FMN2: variants seen among roughly 807,000 people sequenced by gnomAD.
The protein encoded by FMN2 is formin-2.
In FMN2, 51 loss-of-function variants were observed where a neutral mutation model predicts 142.3. That is an observed-to-expected ratio of 0.36 (90% CI 0.29 to 0.45). The LOEUF is 0.45. FMN2 is among the 20% of genes least tolerant of loss of function. The pLI, the probability that FMN2 is intolerant of heterozygous loss-of-function variation, is 1.00. For synonymous variants in FMN2, 882 were observed against 869.8 expected (o/e 1.01, Z -0.25); for missense variants, 1,936 against 2,122.8 (o/e 0.91, Z 1.73).
intron 15 of FMN2, among the ~76,000 whole-genome samples, chr1:240,430,016 G>T (rs1299414126): frequency 1.3e-5 from 2 of 151,732 alleles, no homozygotes; most frequent in Admixed American, 1.3e-4. Flanking sequence ...CTCCCAAGTA[G>T]CTGGGACTAC....
At chr1:240,218,170 A>G (rs1666973397) in intron 6 of FMN2, among the ~76,000 whole-genome samples, 1 of 150,932 alleles carries the variant, frequency 6.6e-6, no homozygotes, top group Admixed American at 6.7e-5. Context: ...GTAGTCCCAG[A>G]TACTCAGGAG....
chr1:240,249,696 A>G (rs1434382466), intron 6 of FMN2, among the ~76,000 whole-genome samples: 1 of 152,086 alleles, frequency 6.6e-6, no homozygotes, highest in Non-Finnish European at 1.5e-5. Flanking sequence ...TTTGGGGAGT[A>G]GGGTCACTTC....
At chr1:240,339,203 T>A (rs1671666234) in intron 13 of FMN2, among the ~76,000 whole-genome samples, 1 of 152,176 alleles carries the variant, frequency 6.6e-6, no homozygotes, top group African/African-American at 2.4e-5. Flanking sequence ...TGAGGACCCC[T>A]GACTTAGGAG....
At chr1:240,211,041 A>T (rs1405930114) in intron 5 of FMN2, 50 bp from the exon 6 acceptor site, 2 of 1,541,256 alleles carry the variant, frequency 1.3e-6, no homozygotes, top group South Asian at 2.5e-5. Flanking sequence ...GCTTGCTGTG[A>T]TGTAAGTTCA....
intron 2 of FMN2, chr1:240,145,362 C>T: frequency 4.6e-6 from 3 of 653,212 alleles, no homozygotes; most frequent in East Asian, 2.8e-5. Context: ...TTGTCCCATC[C>T]TCCCTCCTCC....
Position 240,398,251 on chromosome 1 carries a change from G to T in FMN2, c.4910+5689G>T, listed in dbSNP as rs146568712. 4.9e-4 allele frequency among the ~76,000 whole-genome samples: 74 copies of T among 152,172 alleles called. 1 individual carries two copies. Among genetic ancestry groups the T allele is most frequent in the African/African-American group, 1.7e-3 (70 of 41,520 alleles). On this transcript the variant is annotated intron_variant, in intron 15 of 17. Transcript: ENST00000319653. ...ACTCTTGGCCTCAAGTGGTCTGCCC[G>T]CCTTGGCCTCCCAAAGAGCTGGGAT...
chr1:240,153,445 T>C (rs1663873210), intron 2 of FMN2, among the ~76,000 whole-genome samples: 1 of 148,062 alleles, frequency 6.8e-6, no homozygotes, highest in Non-Finnish European at 1.5e-5. Context: ...ACTGCAGCCT[T>C]AACCTCCTGG....
intron 7 of FMN2, among the ~76,000 whole-genome samples, chr1:240,283,979 C>T (rs969955664): frequency 6.6e-6 from 1 of 152,084 alleles, no homozygotes; most frequent in Non-Finnish European, 1.5e-5. Context: ...TGTTGCTTTC[C>T]TCTTTCCTCC....
In FMN2 at chr1:240,140,595, T is replaced by C. The variant is rs545535107; in HGVS notation, c.1782+17250T>C. ...GAGAGTGACTTCTCTTTCTGTGCTT[T>C]GTAATTTTACTTCATGATATTTACA... On this transcript the variant is annotated intron_variant, in intron 2 of 17. Coordinates refer to ENST00000319653, the MANE Select transcript of FMN2 (RefSeq NM_020066.5). 4.0e-4 allele frequency among the ~76,000 whole-genome samples: 61 copies of C among 152,204 alleles called. 1 individual carries two copies. The Middle Eastern group carries it at 0.01, about 26-fold the overall frequency.
At position 240,095,386 on chromosome 1, in the gene FMN2, T is replaced by TACACACACACACACAC. The variant is rs59692947; in HGVS notation, c.1615+1672_1615+1687dup. ...ATACATTTGTAAGCATATATGTGCA[T>TACACACACACACACAC]ACACACACACACACACACACACACA... On this transcript the variant is annotated intron_variant, in intron 1 of 17. Coordinates refer to ENST00000319653, the MANE Select transcript of FMN2 (RefSeq NM_020066.5). Among the ~76,000 whole-genome samples, 68 of 149,866 alleles carry TACACACACACACACAC rather than the reference T, an allele frequency of 4.5e-4. 1 individual carries two copies. Among genetic ancestry groups the TACACACACACACACAC allele is most frequent in the African/African-American group, 1.6e-3 (65 of 40,782 alleles).
chr1:240,361,174 TATATATATATAA>T lies in FMN2; in HGVS notation c.4858+5268_4858+5279del, dbSNP rs1558452674. The stretch of plus-strand genomic sequence containing the variant: ...ATATATATATATATATATATATATA[TATATATATATAA>T]AAGAGTTTAAAGAAGGAAAAAAACA... On this transcript the variant is annotated intron_variant, in intron 14 of 17. Transcript: ENST00000319653. 4.2e-3 allele frequency among the ~76,000 whole-genome samples: 395 copies of T among 93,284 alleles called. 5 individuals are homozygous for T. The highest frequency in any genetic ancestry group is 0.015 in the African/African-American group (354 of 23,724). The allele number at this position is 93,284 out of a possible 152,430, so 61.2% of individuals were successfully genotyped here.
intron 16 of FMN2, among the ~76,000 whole-genome samples, chr1:240,461,405 T>C (rs897323230): frequency 6.6e-6 from 1 of 152,170 alleles, no homozygotes; most frequent in African/African-American, 2.4e-5. Context: ...TTATAAGGTC[T>C]TGGTGTTAGC....
intron 4 of FMN2, among the ~76,000 whole-genome samples, chr1:240,205,293 A>G (rs913573327): frequency 4.6e-5 from 7 of 152,128 alleles, no homozygotes; most frequent in Non-Finnish European, 1.0e-4. Flanking sequence ...CCACATCTGT[A>G]TGAGCAGTAA....
chr1:240,168,478 A>G (rs935789355), intron 2 of FMN2, among the ~76,000 whole-genome samples: 15 of 152,102 alleles, frequency 9.9e-5, no homozygotes, highest in Admixed American at 9.8e-4. Flanking sequence ...AGTCCTGGCC[A>G]CTTGGGAGGC....
chr1:240,136,984 C>T (rs563661691), intron 2 of FMN2, among the ~76,000 whole-genome samples: 54 of 148,986 alleles, frequency 3.6e-4, no homozygotes, highest in African/African-American at 1.1e-3. Context: ...GGAAGAGAAT[C>T]GCTTGAACCC....
chr1:240,333,999 G>A (rs1424323929), intron 12 of FMN2, 53 bp downstream of exon 12: 3 of 1,576,868 alleles, frequency 1.9e-6, no homozygotes, highest in Non-Finnish European at 2.6e-6. Context: ...TTCGTTGGAT[G>A]ATTTGGCAGT....
At chr1:240,210,783 C>A (rs543187609) in intron 5 of FMN2, among the ~76,000 whole-genome samples, 1 of 152,064 alleles carries the variant, frequency 6.6e-6, no homozygotes, top group East Asian at 1.9e-4. Context: ...CATTTCTTGC[C>A]TCCCTAGCCC....
intron 7 of FMN2, among the ~76,000 whole-genome samples, chr1:240,285,682 C>T (rs556877704): frequency 1.1e-4 from 17 of 151,996 alleles, no homozygotes; most frequent in South Asian, 6.2e-4. Context: ...ATGTTTAGCA[C>T]GTGTATCGGA....
chr1:240,403,307 C>T (rs981035742), intron 15 of FMN2, among the ~76,000 whole-genome samples: 1 of 152,146 alleles, frequency 6.6e-6, no homozygotes, highest in African/African-American at 2.4e-5. Flanking sequence ...TATTTTTCTA[C>T]AAGACATACA....
Sources: gnomAD v4.1 joint callset for allele counts (sites outside exome capture counted in the v4.1 genomes callset) on GRCh38, gnomAD v4.1.1 for gene constraint, MANE v1.5 for transcripts, NCBI Gene and HGNC (gene_info 2026-07-23, HGNC 2026-07-21) for gene names.